Variants in MYH11 observed in about 807,000 individuals in gnomAD.
MYH11 encodes myosin-11.
Under a neutral mutation model 246.6 loss-of-function variants are expected in MYH11, and 80 were observed. The ratio of observed to expected loss-of-function variants is 0.32; its 90% CI spans 0.27 to 0.39. The LOEUF (loss-of-function observed/expected upper bound fraction) is 0.39. Among genes scored for constraint, MYH11 ranks in the 10% least tolerant of loss-of-function variants. The probability of loss-of-function intolerance (pLI) is 1.00; values close to 1 mark genes in which losing one functional copy is unlikely to be tolerated. For synonymous variants in MYH11, 1,071 were observed against 1,015.5 expected, an observed-to-expected ratio of 1.05 and a Z score of -1.04; for missense variants, 2,158 against 2,546.8, an observed-to-expected ratio of 0.85 and a Z score of 3.29.
chr16:15,746,064 A>G (rs2041410617), intron 19 of MYH11, among the ~76,000 whole-genome samples: 1 of 149,560 alleles, frequency 6.7e-6, no homozygotes, highest in South Asian at 2.1e-4. Flanking sequence ...CTACGGGCAC[A>G]TGCTACCATG....
intron 9 of MYH11, among the ~76,000 whole-genome samples, chr16:15,765,456 G>C (rs1281781526): frequency 6.6e-6 from 1 of 152,038 alleles, no homozygotes; most frequent in Non-Finnish European, 1.5e-5. Context: ...TGGATGAATG[G>C]ATGGATGGAC....
At chr16:15,782,534 A>C in intron 5 of MYH11, 57 bp from the exon 6 acceptor site, 1 of 1,394,884 alleles carries the variant, frequency 7.2e-7, no homozygotes, top group East Asian at 2.3e-5. Flanking sequence ...TGACAGTTCT[A>C]CCTTGGATGG....
At chr16:15,822,569 G>A (rs2043442922) in intron 3 of MYH11, among the ~76,000 whole-genome samples, 1 of 152,034 alleles carries the variant, frequency 6.6e-6, no homozygotes. Flanking sequence ...TTTAAAATTA[G>A]CTTGACATGA....
At chr16:15,704,828 C>T (rs893837888) in intron 40 of MYH11, among the ~76,000 whole-genome samples, 1 of 152,194 alleles carries the variant, frequency 6.6e-6, no homozygotes, top group South Asian at 2.1e-4. Context: ...GGAAATTATA[C>T]GTGTTAATCC....
At chr16:15,829,901 A>G (rs985987959) in intron 2 of MYH11, among the ~76,000 whole-genome samples, 2 of 152,138 alleles carry the variant, frequency 1.3e-5, no homozygotes, top group East Asian at 1.9e-4. Context: ...TTGGGAGGCC[A>G]AGGTGGGTGG....
chr16:15,732,118 C>T (rs1406765849), intron 27 of MYH11, among the ~76,000 whole-genome samples: 1 of 152,050 alleles, frequency 6.6e-6, no homozygotes, highest in Non-Finnish European at 1.5e-5. Flanking sequence ...TGCACCACCG[C>T]GCCCGGCTAA....
At chr16:15,732,517 G>A in intron 27 of MYH11, 47 bp downstream of exon 27, 1 of 1,613,892 alleles carries the variant, frequency 6.2e-7, no homozygotes, top group Non-Finnish European at 8.5e-7. Flanking sequence ...GGCTGCTGAT[G>A]TCACTCTTAT....
At chr16:15,827,368 A>T (rs1052949106) in intron 2 of MYH11, among the ~76,000 whole-genome samples, 2 of 152,236 alleles carry the variant, frequency 1.3e-5, no homozygotes, top group Non-Finnish European at 2.9e-5. Flanking sequence ...AACCAGCTCA[A>T]GACAAAGCAG....
At chr16:15,802,230 C>T (rs902499575) in intron 3 of MYH11, among the ~76,000 whole-genome samples, 1 of 152,212 alleles carries the variant, frequency 6.6e-6, no homozygotes. Context: ...TCCGATCTCC[C>T]GAGCACTCAC....
rs1239514656 is a variant in MYH11, at chr16:15,718,368, C to T, written c.5242G>A (p.Glu1748Lys). The change falls in exon 37 of 41, where the codon GAG becomes AAG. Residue 1748 changes from glutamate to lysine, a missense_variant. Around this residue, in one of 11 missense-constraint regions of MYH11, gnomAD observed 1,013 missense variants for 993.5 expected, o/e 1.02. Transcript: ENST00000300036. ...CTCATGGCCTCCATGTTGCCCTGCT[C>T]CTCCTCCAGCTCCTCCTCCAGCTGG... ...IAQLEEELEEEQGNMEAMSDR... is the reference protein window; with the variant it reads ...IAQLEEELEEKQGNMEAMSDR... 1 of 1,607,504 alleles carries T rather than the reference C, an allele frequency of 6.2e-7. No homozygotes were observed. Among genetic ancestry groups the T allele is most frequent in the East Asian group, 2.2e-5 (1 of 44,876 alleles).
chr16:15,820,182 AAAATAC>A, intron 3 of MYH11, among the ~76,000 whole-genome samples: 1 of 152,286 alleles, frequency 6.6e-6, no homozygotes, highest in East Asian at 1.9e-4. Context: ...ATCTCTACTA[AAAATAC>A]AAAATTAGCC....
chr16:15,776,235 C>G, intron 7 of MYH11, 59 bp from the exon 8 acceptor site: 2 of 1,134,160 alleles, frequency 1.8e-6, no homozygotes, highest in Non-Finnish European at 2.7e-6. Context: ...TGGTCTTCCA[C>G]CTCCATCCCT....
chr16:15,823,374 T>C lies in MYH11; in HGVS notation c.383A>G (p.Tyr128Cys). 1 of 1,614,138 alleles carries C rather than the reference T, an allele frequency of 6.2e-7. No individual in the cohort carries two copies. Among genetic ancestry groups the C allele is most frequent in the Non-Finnish European group, 8.5e-7 (1 of 1,180,044 alleles). Residue 128 changes from tyrosine (Y) to cysteine (C), a missense_variant, in exon 3 of 41, where the codon TAT (tyrosine) becomes TGT (cysteine). Physicochemically the swap from Tyr to Cys is radical, Grantham distance 194. Transcript: ENST00000300036. ...SGLFCVVVNPYKHLPIYSEKI... is the reference protein window; with the variant it reads ...SGLFCVVVNPCKHLPIYSEKI... The stretch of plus-strand genomic sequence containing the variant: ...CTCCGAGTAGATGGGCAGGTGTTTA[T>C]AGGGGTTGACCACCACGCAGAAGAG...
intron 2 of MYH11, among the ~76,000 whole-genome samples, chr16:15,831,464 G>GGTGTGTGTGTGTGTGTGTGTGT (rs59352444): frequency 2.7e-5 from 4 of 145,588 alleles, no homozygotes; most frequent in Non-Finnish European, 4.5e-5. Flanking sequence ...TTATGTTTGG[G>GGTGTGTGTGTGTGTGTGTGTGT]GTGTGTGTGT....
intron 1 of MYH11, among the ~76,000 whole-genome samples, chr16:15,852,652 G>C (rs144317661): frequency 1.3e-5 from 2 of 152,152 alleles, no homozygotes; most frequent in Non-Finnish European, 1.5e-5. Context: ...AATGTCTTTA[G>C]CCAGTCATTT....
At chr16:15,747,340 A>C (rs1472106438) in intron 19 of MYH11, among the ~76,000 whole-genome samples, 2 of 152,078 alleles carry the variant, frequency 1.3e-5, no homozygotes. Context: ...ATCAGCAAAA[A>C]CTGGGGCATC....
chr16:15,757,515 A>C, intron 13 of MYH11, among the ~76,000 whole-genome samples: 1 of 148,342 alleles, frequency 6.7e-6, no homozygotes, highest in Non-Finnish European at 1.5e-5. Context: ...TCATAAAAAA[A>C]AAAAAAAAAA....
At position 15,721,624 on chromosome 16, in the gene MYH11, T is replaced by A. The variant is rs759363687; in HGVS notation, c.4376A>T (p.Glu1459Val). Residue 1459 changes from glutamate (E) to valine (V), a missense_variant, in exon 32 of 41, where the codon GAG (glutamate) becomes GTG (valine). By Grantham distance (121) the Glu-to-Val change is moderately radical. Coordinates refer to ENST00000300036, the MANE Select transcript of MYH11 (RefSeq NM_002474.3). ...KQRKFDQLLA[E>V]EKNISSKYAD... ...GTATTTGGAAGAGATGTTTTTCTCCTCGGCTAACAACTACAACACAAGACC... is the reference window on the plus strand; with the variant it reads ...GTATTTGGAAGAGATGTTTTTCTCCACGGCTAACAACTACAACACAAGACC... 1 of 1,614,182 alleles carries A rather than the reference T, an allele frequency of 6.2e-7. No homozygotes were observed. The highest frequency in any genetic ancestry group is 8.5e-7 in the Non-Finnish European group (1 of 1,180,036).
At chr16:15,849,199 C>T (rs761749017) in intron 1 of MYH11, among the ~76,000 whole-genome samples, 2 of 151,992 alleles carry the variant, frequency 1.3e-5, no homozygotes, top group East Asian at 1.9e-4. Flanking sequence ...CCACTATGCC[C>T]GGCTTATTTT....
Sources: allele counts gnomAD v4.1 joint callset (sites outside exome capture counted in the v4.1 genomes callset), GRCh38; gene constraint gnomAD v4.1.1; regional missense constraint gnomAD v4.1.1; transcripts MANE v1.5; gene names NCBI Gene and HGNC (gene_info 2026-07-23, HGNC 2026-07-21).